SPON1: variants seen among roughly 807,000 people sequenced by gnomAD.
SPON1 encodes the protein spondin 1, also known as spondin-1.
Under a neutral mutation model 111.7 loss-of-function variants are expected in SPON1, and 52 were observed. The observed-to-expected ratio is 0.47, with a 90% CI of 0.37 to 0.59. The LOEUF (loss-of-function observed/expected upper bound fraction) is 0.59, where lower values mean the gene tolerates loss of function less well. Among genes scored for constraint, SPON1 ranks in the 20% least tolerant of loss-of-function variants. The pLI, the probability that SPON1 is intolerant of heterozygous loss-of-function variation, is 0.00. For missense variants in SPON1, 957 were observed against 1,068.5 expected (o/e 0.90, Z 1.46); for synonymous variants, 410 against 395.8 (o/e 1.04, Z -0.43).
chr11:14,177,039 G>GTTGT (rs752224139), intron 6 of SPON1, among the ~76,000 whole-genome samples: 4 of 152,076 alleles, frequency 2.6e-5, no homozygotes, highest in Admixed American at 1.3e-4. Context: ...GTTTTTTGTT[G>GTTGT]TTGTTTGTTT....
chr11:13,993,485 C>T (rs1554911443), intron 2 of SPON1, among the ~76,000 whole-genome samples: 1 of 152,108 alleles, frequency 6.6e-6, no homozygotes, highest in Non-Finnish European at 1.5e-5. Context: ...ATGCTGTGGC[C>T]CAGCCAGCTG....
chr11:13,975,597 G>A lies in SPON1; in HGVS notation c.239-7250G>A, dbSNP rs754346469. Reference sequence around the variant, plus strand: ...GGGTGAGAGGTATTCCAGAAAAGGGGTATTGTGTGGAGGTGAAAGGGGCAG... The same window carrying A: ...GGGTGAGAGGTATTCCAGAAAAGGGATATTGTGTGGAGGTGAAAGGGGCAG... On this transcript the variant is annotated intron_variant, in intron 1 of 15. Transcript: ENST00000576479. Among the ~76,000 whole-genome samples the A allele has an allele frequency of 6.3e-4, 96 of 152,160 alleles. 1 individual carries two copies. The highest frequency in any genetic ancestry group is 1.0e-3 in the Non-Finnish European group (68 of 68,022).
rs574167837 is a variant in SPON1, at chr11:13,981,206, C to T, written c.239-1641C>T. ...GAGAAGGCAAATCAACAAAGAATTGCAATTCAGTTCAAAAAAATACTGCAA... is the reference window on the plus strand; with the variant it reads ...GAGAAGGCAAATCAACAAAGAATTGTAATTCAGTTCAAAAAAATACTGCAA... On this transcript the variant is annotated intron_variant, in intron 1 of 15. Coordinates refer to ENST00000576479, the MANE Select transcript of SPON1 (RefSeq NM_006108.4). Among the ~76,000 whole-genome samples, 12 of 152,282 alleles carry T rather than the reference C, an allele frequency of 7.9e-5. No homozygotes were observed. The South Asian group carries it at 1.0e-3, about 13-fold the overall frequency.
intron 7 of SPON1, among the ~76,000 whole-genome samples, chr11:14,247,957 C>A (rs1849010228): frequency 1.3e-5 from 2 of 152,148 alleles, no homozygotes; most frequent in African/African-American, 4.8e-5. Flanking sequence ...GAATAGGAAT[C>A]AAGGGCTTAG....
chr11:14,018,784 G>A (rs1009554853), intron 2 of SPON1, among the ~76,000 whole-genome samples: 4 of 152,130 alleles, frequency 2.6e-5, no homozygotes, highest in East Asian at 1.9e-4. Flanking sequence ...CTATACAAAG[G>A]CTCCAACGGT....
intron 6 of SPON1, among the ~76,000 whole-genome samples, chr11:14,180,406 C>T (rs1447786469): frequency 6.6e-6 from 1 of 152,222 alleles, no homozygotes; most frequent in Non-Finnish European, 1.5e-5. Context: ...CTAGAACTTC[C>T]TCCGCAGATA....
chr11:14,196,713 C>T (rs1848406688), intron 6 of SPON1, among the ~76,000 whole-genome samples: 1 of 152,172 alleles, frequency 6.6e-6, no homozygotes, highest in South Asian at 2.1e-4. Context: ...TTAGTAAACA[C>T]TAACCTGCCT....
At chr11:14,109,272 A>T (rs1052084777) in intron 5 of SPON1, among the ~76,000 whole-genome samples, 4 of 152,190 alleles carry the variant, frequency 2.6e-5, no homozygotes, top group African/African-American at 9.6e-5. Flanking sequence ...CACGATAAAT[A>T]GAGCAACAAG....
intron 3 of SPON1, among the ~76,000 whole-genome samples, chr11:14,074,121 TC>T (rs1260902929): frequency 2.0e-5 from 3 of 152,248 alleles, no homozygotes; most frequent in Admixed American, 6.5e-5. Flanking sequence ...GAGGAAACTT[TC>T]TTTTGCTTCA....
At chr11:14,156,578 C>G (rs547219635) in intron 6 of SPON1, among the ~76,000 whole-genome samples, 2,745 of 151,556 alleles carry the variant, frequency 0.018, 53 homozygotes, top group Non-Finnish European at 0.029. Flanking sequence ...CCATGCCTAT[C>G]TCCTGAATGG....
chr11:14,243,339 A>G lies in SPON1; in HGVS notation c.833A>G (p.Glu278Gly), dbSNP rs1848949698. 3.8e-6 allele frequency: 6 copies of G among 1,582,522 alleles called. No homozygotes were observed. In the East Asian group the frequency reaches 1.4e-4, roughly 36 times the overall value. Residue 278 changes from glutamate (E) to glycine (G), a missense_variant, in exon 7 of 16, where the codon GAG (glutamate) becomes GGG (glycine). Glu to Gly is a moderately conservative substitution (Grantham distance 98, BLOSUM62 -2). Coordinates refer to ENST00000576479, the MANE Select transcript of SPON1 (RefSeq NM_006108.4). Reference sequence around the variant, plus strand: ...TGTGGTCCTTTTTTGCAGAGTGATGAGGTCCTCACCGTCATCAAAGCCAAA... The same window carrying G: ...TGTGGTCCTTTTTTGCAGAGTGATGGGGTCCTCACCGTCATCAAAGCCAAA... ...MEEEIRQQSD[E>G]VLTVIKAKAQ...
chr11:14,134,575 G>C (rs937121634), intron 5 of SPON1, among the ~76,000 whole-genome samples: 1 of 152,066 alleles, frequency 6.6e-6, no homozygotes. Context: ...TAGCTAACCT[G>C]CCTGCCCCTT....
At chr11:14,239,324 A>G (rs1848898567) in intron 6 of SPON1, among the ~76,000 whole-genome samples, 1 of 152,244 alleles carries the variant, frequency 6.6e-6, no homozygotes, top group South Asian at 2.1e-4. Context: ...CTTCATTGCC[A>G]CATTACATGA....
intron 5 of SPON1, among the ~76,000 whole-genome samples, chr11:14,100,148 T>G (rs1554924260): frequency 6.6e-6 from 1 of 152,032 alleles, no homozygotes; most frequent in East Asian, 1.9e-4. Context: ...ACTGAGTTTT[T>G]TTTTTTTTTT....
At chr11:14,231,599 G>C (rs1274447212) in intron 6 of SPON1, among the ~76,000 whole-genome samples, 1 of 152,056 alleles carries the variant, frequency 6.6e-6, no homozygotes, top group Non-Finnish European at 1.5e-5. Context: ...TATCCTTCCA[G>C]AGATACTTTA....
At chr11:14,011,525 T>C (rs1443880413) in intron 2 of SPON1, among the ~76,000 whole-genome samples, 1 of 152,102 alleles carries the variant, frequency 6.6e-6, no homozygotes, top group Non-Finnish European at 1.5e-5. Context: ...GGATTCCTAC[T>C]GCAGCCTCCC....
Position 14,265,811 on chromosome 11 carries a change from C to T in SPON1, c.*124C>T, listed in dbSNP as rs1350227277. On this transcript the variant is annotated 3_prime_UTR_variant, in exon 16 of 16. Transcript: ENST00000576479. Reference sequence around the variant, plus strand: ...TTTCATTTTTGCAGTGTGGTTCGCCCAGTAGTCTTGTGGATGCCAGAGACA... The same window carrying T: ...TTTCATTTTTGCAGTGTGGTTCGCCTAGTAGTCTTGTGGATGCCAGAGACA... The T allele has an allele frequency of 1.7e-6, 2 of 1,165,494 alleles. No homozygotes were observed. Among genetic ancestry groups the T allele is most frequent in the Non-Finnish European group, 2.4e-6 (2 of 833,760 alleles). The allele number at this position is 1,165,494 out of a possible 1,614,324, so 72.2% of individuals were successfully genotyped here.
intron 2 of SPON1, among the ~76,000 whole-genome samples, chr11:14,035,479 A>G (rs1161729426): frequency 6.6e-6 from 1 of 152,180 alleles, no homozygotes; most frequent in East Asian, 1.9e-4. Flanking sequence ...ATTAATAACC[A>G]TCTAGGGAAA....
chr11:14,056,890 C>G (rs1848748752), intron 3 of SPON1, among the ~76,000 whole-genome samples: 1 of 151,710 alleles, frequency 6.6e-6, no homozygotes. Context: ...GACTCCATCT[C>G]AAAAAATAAA....
Sources: gnomAD v4.1 joint callset for allele counts (sites outside exome capture counted in the v4.1 genomes callset) on GRCh38, gnomAD v4.1.1 for gene constraint, MANE v1.5 for transcripts, NCBI Gene and HGNC (gene_info 2026-07-23, HGNC 2026-07-21) for gene names.